Variants in MED20 observed in about 807,000 individuals in gnomAD.
MED20 encodes mediator of RNA polymerase II transcription subunit 20.
Under a neutral mutation model 19.7 loss-of-function variants are expected in MED20, and 19 were observed. That is an observed-to-expected ratio of 0.96 (90% CI 0.67 to 1.42). The LOEUF (loss-of-function observed/expected upper bound fraction) is 1.42. Ranked by LOEUF, MED20 falls within the 40% of genes most tolerant of loss-of-function variation. The probability of loss-of-function intolerance (pLI) is 0.00; values close to 1 mark genes in which losing one functional copy is unlikely to be tolerated. For synonymous variants in MED20, 105 were observed against 104.8 expected, an observed-to-expected ratio of 1.00 and a Z score of -0.01; for missense variants, 225 against 273.0, an observed-to-expected ratio of 0.82 and a Z score of 1.24.
rs377093065 is a variant in MED20 at position 41,921,075 on chromosome 6, C to T, written c.-57G>A. 5 of 1,602,510 alleles carry T rather than the reference C, an allele frequency of 3.1e-6. No homozygotes were observed. In the Admixed American group the frequency reaches 6.9e-5, roughly 22 times the overall value. ...CAGTAGAAACGCAGGGTTCCCTGTC[C>T]GCCCACAGAAACTCCTTCAGTTCCC... is the stretch of plus-strand genomic sequence containing the variant. On this transcript the variant is annotated 5_prime_UTR_variant, in exon 1 of 4. Coordinates refer to ENST00000265350, the MANE Select transcript of MED20 (RefSeq NM_004275.5).
rs760175473 is a variant in MED20 at position 41,907,158 on chromosome 6, C to T, written c.553G>A (p.Gly185Ser). 13 of 1,613,906 alleles carry T rather than the reference C, an allele frequency of 8.1e-6. No homozygotes were observed. Among genetic ancestry groups the T allele is most frequent in the Non-Finnish European group, 1.0e-5 (12 of 1,180,034 alleles). The change falls in exon 4 of 4, where the codon GGC becomes AGC. Residue 185 changes from glycine (G) to serine (S), a missense_variant. Coordinates refer to ENST00000265350, the MANE Select transcript of MED20 (RefSeq NM_004275.5). ...TACTGGACCATGGTATCTGCTGGGC[C>T]GTAGACCGCATCATGTCTGTTCCCA... ...VFGNRHDAVYGPADTMVQYME... is the reference protein window; with the variant it reads ...VFGNRHDAVYSPADTMVQYME...
chr6:41,919,128 CAAAA>C (rs35512146), intron 1 of MED20, among the ~76,000 whole-genome samples: 1 of 44,888 alleles, frequency 2.2e-5, no homozygotes, highest in Admixed American at 2.4e-4. Context: ...GACTCTGCCT[CAAAA>C]AAAAAAAAAA....
chr6:41,906,520 C>T lies in MED20; in HGVS notation c.*552G>A, dbSNP rs941640528. The T allele has an allele frequency of 6.5e-5, 10 of 153,708 alleles. No homozygotes were observed. The highest frequency in any genetic ancestry group is 2.0e-4 in the South Asian group (1 of 4,952). 9.5% of individuals were successfully genotyped at this position (153,708 alleles called of 1,614,324 possible). On this transcript the variant is annotated 3_prime_UTR_variant, in exon 4 of 4. Transcript: ENST00000265350. ...GAGATTTCAAAGGACTCAGGCAACA[C>T]CCTAGGAAAGTCAATTCGCAAATCA...
intron 2 of MED20, among the ~76,000 whole-genome samples, chr6:41,916,010 G>A (rs923937984): frequency 2.6e-5 from 4 of 152,066 alleles, no homozygotes; most frequent in Non-Finnish European, 4.4e-5. Flanking sequence ...ACTTTGGGAA[G>A]CTGAGGCCAG....
chr6:41,906,949 C>A lies in MED20; in HGVS notation c.*123G>T, dbSNP rs1775065433. 1.8e-5 allele frequency: 15 copies of A among 826,888 alleles called. No individual in the cohort carries two copies. In the East Asian group the frequency reaches 4.0e-4, roughly 22 times the overall value. 51.2% of individuals were successfully genotyped at this position (826,888 alleles called of 1,614,324 possible). On this transcript the variant is annotated 3_prime_UTR_variant, in exon 4 of 4. Coordinates refer to ENST00000265350, the MANE Select transcript of MED20 (RefSeq NM_004275.5). ...CAGAACAAAAGCCACAGCTGAGAACCAGAGAAGGAGAGTAGAGTCCATGTC... is the reference window on the plus strand; with the variant it reads ...CAGAACAAAAGCCACAGCTGAGAACAAGAGAAGGAGAGTAGAGTCCATGTC...
In MED20 at chr6:41,912,603, C is replaced by T. The variant is rs1161158507; in HGVS notation, c.170-3081G>A. On this transcript the variant is annotated intron_variant, in intron 2 of 3. Transcript: ENST00000265350. ...AGCTCCTGACCTCAGGTGATCTGCC[C>T]GCCTCGGCCTCCCAAAATGCTGGGA... Among the ~76,000 whole-genome samples, 6 of 152,040 alleles carry T rather than the reference C, an allele frequency of 3.9e-5. No individual in the cohort carries two copies. In the East Asian group the frequency reaches 7.8e-4, roughly 20 times the overall value.
At chr6:41,910,550 T>G (rs2127375802) in intron 2 of MED20, among the ~76,000 whole-genome samples, 1 of 150,434 alleles carries the variant, frequency 6.6e-6, no homozygotes, top group Admixed American at 6.7e-5. Context: ...GAGAATCACC[T>G]GAACCCAGGA....
At position 41,921,085 on chromosome 6, in the gene MED20, A is replaced by C. The variant is rs1349966198; in HGVS notation, c.-67T>G. On this transcript the variant is annotated 5_prime_UTR_variant, in exon 1 of 4. Transcript: ENST00000265350. The stretch of plus-strand genomic sequence containing the variant: ...GCAGGGTTCCCTGTCCGCCCACAGA[A>C]ACTCCTTCAGTTCCCCAACACAACC... The C allele has an allele frequency of 6.3e-7, 1 of 1,598,154 alleles. No individual in the cohort carries two copies. The highest frequency in any genetic ancestry group is 1.4e-5 in the African/African-American group (1 of 74,048).
At chr6:41,917,449 G>A (rs1037975823) in intron 1 of MED20, 6 of 203,240 alleles carry the variant, frequency 3.0e-5, no homozygotes, top group Non-Finnish European at 1.0e-5. Context: ...TTAGAGTGGG[G>A]AAGAGTAGAA....
At chr6:41,912,240 C>T (rs1775213393) in intron 2 of MED20, among the ~76,000 whole-genome samples, 1 of 144,670 alleles carries the variant, frequency 6.9e-6, no homozygotes, top group Non-Finnish European at 1.5e-5. Flanking sequence ...GAGGTCTTAC[C>T]ATCTTGCCTA....
chr6:41,916,313 C>A (rs1775314420), intron 2 of MED20, among the ~76,000 whole-genome samples: 1 of 151,646 alleles, frequency 6.6e-6, no homozygotes, highest in African/African-American at 2.4e-5. Flanking sequence ...GGCACAGTGG[C>A]TCACGCCTGT....
At chr6:41,918,718 C>T (rs1236442570) in intron 1 of MED20, among the ~76,000 whole-genome samples, 4 of 151,156 alleles carry the variant, frequency 2.6e-5, no homozygotes, top group South Asian at 2.1e-4. Context: ...GAGGCCGAGG[C>T]GGGTGGATCA....
At chr6:41,911,821 C>T (rs1775202114) in intron 2 of MED20, among the ~76,000 whole-genome samples, 1 of 152,150 alleles carries the variant, frequency 6.6e-6, no homozygotes, top group African/African-American at 2.4e-5. Context: ...CCTGTCACCT[C>T]ATTCTAAATC....
At chr6:41,916,755 C>T in intron 2 of MED20, 30 bp downstream of exon 2, 1 of 1,610,984 alleles carries the variant, frequency 6.2e-7, no homozygotes, top group Non-Finnish European at 8.5e-7. Flanking sequence ...AAGCCTGGTT[C>T]CAGCCATCCT....
chr6:41,920,579 A>G (rs2127382883), intron 1 of MED20, among the ~76,000 whole-genome samples: 1 of 152,274 alleles, frequency 6.6e-6, no homozygotes, highest in South Asian at 2.1e-4. Flanking sequence ...TGTCGACACC[A>G]GCGTGGCCAA....
At chr6:41,917,006 C>G in intron 1 of MED20, 67 bp from the exon 2 acceptor site, 1 of 1,570,638 alleles carries the variant, frequency 6.4e-7, no homozygotes, top group Non-Finnish European at 8.7e-7. Flanking sequence ...GCCATTCACT[C>G]GCCCACAGCA....
At chr6:41,916,180 G>A (rs1400186005) in intron 2 of MED20, among the ~76,000 whole-genome samples, 2 of 151,860 alleles carry the variant, frequency 1.3e-5, no homozygotes, top group Admixed American at 6.6e-5. Flanking sequence ...CCCAAGGGTC[G>A]AGGCTGCAGT....
In MED20 at chr6:41,906,485, A is replaced by G. The variant is rs771172617; in HGVS notation, c.*587T>C. On this transcript the variant is annotated 3_prime_UTR_variant, in exon 4 of 4. Coordinates refer to ENST00000265350, the MANE Select transcript of MED20 (RefSeq NM_004275.5). ...ACATATTTCACAACAGAAGGGAAAG[A>G]TGTCAGAAGGAGATTTCAAAGGACT... 6.5e-6 allele frequency: 1 copy of G among 152,694 alleles called. No homozygotes were observed. Among genetic ancestry groups the G allele is most frequent in the Non-Finnish European group, 1.5e-5 (1 of 68,384 alleles). The allele number at this position is 152,694 out of a possible 1,614,324, so 9.5% of individuals were successfully genotyped here. A position where few individuals can be genotyped will look rare whatever the true frequency, so the allele number is the denominator to read the frequency against.
At position 41,907,115 on chromosome 6, in the gene MED20, T is replaced by A; in HGVS notation, c.596A>T (p.Lys199Met). The A allele has an allele frequency of 8.7e-6, 14 of 1,614,028 alleles. No homozygotes were observed. The highest frequency in any genetic ancestry group is 1.2e-5 in the Non-Finnish European group (14 of 1,179,998). The change falls in exon 4 of 4, where the codon AAG becomes ATG. Residue 199 changes from lysine (K) to methionine (M), a missense_variant. Physicochemically the swap from Lys to Met is moderately conservative, Grantham distance 95. Transcript: ENST00000265350. The part of the protein sequence containing the change: ...TMVQYMELFN[K>M]IRKQQQVPVA... ...CGGCACCTGCTGCTGCTTGCGGATC[T>A]TGTTGAAGAGTTCCATGTACTGGAC...
Sources: gnomAD v4.1 joint callset for allele counts (sites outside exome capture counted in the v4.1 genomes callset) on GRCh38, gnomAD v4.1.1 for gene constraint, MANE v1.5 for transcripts, NCBI Gene and HGNC (gene_info 2026-07-23, HGNC 2026-07-21) for gene names.